Variants in GALNT10 observed in about 807,000 individuals in gnomAD.
The protein encoded by GALNT10 is GalNAc transferase 10.
GALNT10 carries 41 observed loss-of-function variants against 75.0 expected under a neutral mutation model. The ratio of observed to expected loss-of-function variants is 0.55; its 90% CI spans 0.43 to 0.71. The LOEUF (loss-of-function observed/expected upper bound fraction) is 0.71. Ranked by LOEUF, GALNT10 falls within the 30% of genes least tolerant of loss-of-function variation. The pLI, the probability that GALNT10 is intolerant of heterozygous loss-of-function variation, is 0.00. For synonymous variants in GALNT10, 302 were observed against 313.0 expected, an observed-to-expected ratio of 0.96 and a Z score of 0.37; for missense variants, 727 against 818.5, an observed-to-expected ratio of 0.89 and a Z score of 1.36.
chr5:154,360,457 A>C (rs1203893052), intron 4 of GALNT10, among the ~76,000 whole-genome samples: 3 of 151,984 alleles, frequency 2.0e-5, no homozygotes, highest in African/African-American at 2.4e-5. Flanking sequence ...ATCTAAAAAA[A>C]AAAAAAAAAC....
intron 4 of GALNT10, among the ~76,000 whole-genome samples, chr5:154,356,546 G>A (rs868181661): frequency 1.5e-4 from 23 of 152,176 alleles, no homozygotes; most frequent in South Asian, 1.2e-3. Context: ...GCTTACATTT[G>A]TGCTTTTCAA....
chr5:154,412,934 G>A lies in GALNT10; in HGVS notation c.1432G>A (p.Ala478Thr), dbSNP rs373562892. Residue 478 changes from alanine (A) to threonine (T), a missense_variant, in exon 10 of 12, where the codon GCC becomes ACC. Coordinates refer to ENST00000297107, the MANE Select transcript of GALNT10 (RefSeq NM_198321.4). This position sits in a 1 kb window ranked among gnomAD's most constrained non-coding sequence, Gnocchi z 4.2. Reference protein sequence around the residue: ...TGLCADTKHGALGSPLRLEGC... With the variant: ...TGLCADTKHGTLGSPLRLEGC... ...GCTGTGTGCAGACACAAAGCACGGGGCCTTGGGCTCCCCACTAAGGCTAGA... is the reference window on the plus strand; with the variant it reads ...GCTGTGTGCAGACACAAAGCACGGGACCTTGGGCTCCCCACTAAGGCTAGA... 3.7e-6 allele frequency: 6 copies of A among 1,613,716 alleles called. No homozygotes were observed. The highest frequency in any genetic ancestry group is 5.1e-6 in the Non-Finnish European group (6 of 1,179,870).
intron 6 of GALNT10, among the ~76,000 whole-genome samples, chr5:154,383,358 T>A (rs889784952): frequency 3.3e-5 from 5 of 152,212 alleles, no homozygotes; most frequent in Non-Finnish European, 7.4e-5. Flanking sequence ...CAGTAATAGC[T>A]TATCCACTCA....
intron 1 of GALNT10, among the ~76,000 whole-genome samples, chr5:154,211,318 G>A (rs1381933491): frequency 6.6e-6 from 1 of 152,042 alleles, no homozygotes; most frequent in African/African-American, 2.4e-5. Flanking sequence ...GTATTGAACT[G>A]TTCAGTCAAC....
intron 1 of GALNT10, among the ~76,000 whole-genome samples, chr5:154,227,440 C>T (rs1216521852): frequency 6.6e-6 from 1 of 152,068 alleles, no homozygotes; most frequent in African/African-American, 2.4e-5. Flanking sequence ...TGCTTATTTC[C>T]CTCTGTACAT....
chr5:154,298,826 C>T lies in GALNT10; in HGVS notation c.401+747C>T, dbSNP rs1015839230. On this transcript the variant is annotated intron_variant, in intron 3 of 11. Coordinates refer to ENST00000297107, the MANE Select transcript of GALNT10 (RefSeq NM_198321.4). The surrounding 1 kb of genome is among the most constrained non-coding windows in gnomAD (Gnocchi z 4.1). ...TAGAGCCGTTCTTAAATTTGAGGTG[C>T]GTTAGAATCACTTGGAGGGTTGTTA... 2.0e-5 allele frequency among the ~76,000 whole-genome samples: 3 copies of T among 152,042 alleles called. No individual in the cohort carries two copies. The highest frequency in any genetic ancestry group is 6.6e-5 in the Admixed American group (1 of 15,264).
chr5:154,209,924 G>A (rs1775168934), intron 1 of GALNT10, among the ~76,000 whole-genome samples: 1 of 152,008 alleles, frequency 6.6e-6, no homozygotes, highest in Admixed American at 6.6e-5. Context: ...CCACAAAAAT[G>A]TATTCACAGT....
chr5:154,386,798 G>A lies in GALNT10; in HGVS notation c.1056+368G>A, dbSNP rs900860892. 3 of 452,044 alleles carry A rather than the reference G, an allele frequency of 6.6e-6. No homozygotes were observed. In the South Asian group the frequency reaches 8.5e-5, roughly 13 times the overall value. 28.0% of individuals were successfully genotyped at this position (452,044 alleles called of 1,614,324 possible). ...CAGAGAAGCTAGGAAGGCCAAACAGGATACGTAGGCCTAGAGGAGTCCTCT... is the reference window on the plus strand; with the variant it reads ...CAGAGAAGCTAGGAAGGCCAAACAGAATACGTAGGCCTAGAGGAGTCCTCT... On this transcript the variant is annotated intron_variant, in intron 7 of 11. Coordinates refer to ENST00000297107, the MANE Select transcript of GALNT10 (RefSeq NM_198321.4).
At chr5:154,248,536 T>A (rs1753467297) in intron 1 of GALNT10, among the ~76,000 whole-genome samples, 1 of 152,226 alleles carries the variant, frequency 6.6e-6, no homozygotes, top group Non-Finnish European at 1.5e-5. Flanking sequence ...GGTTTAGTCT[T>A]GGGAGGGTGT....
At chr5:154,259,033 A>G (rs1164812135) in intron 1 of GALNT10, among the ~76,000 whole-genome samples, 1 of 152,206 alleles carries the variant, frequency 6.6e-6, no homozygotes, top group Non-Finnish European at 1.5e-5. Context: ...TTAATTATCT[A>G]GACTATGAAA....
chr5:154,351,248 G>A (rs1755200795), intron 4 of GALNT10, among the ~76,000 whole-genome samples: 1 of 152,220 alleles, frequency 6.6e-6, no homozygotes, highest in Non-Finnish European at 1.5e-5. Flanking sequence ...TTAGAGAAGT[G>A]AGGAATCTTC....
chr5:154,366,449 T>A (rs995851438), intron 4 of GALNT10, among the ~76,000 whole-genome samples: 2 of 152,114 alleles, frequency 1.3e-5, no homozygotes, highest in African/African-American at 4.8e-5. Flanking sequence ...ATAAAAATTT[T>A]AAAAAAGAAA....
intron 1 of GALNT10, among the ~76,000 whole-genome samples, chr5:154,217,672 A>G (rs1752895367): frequency 6.6e-6 from 1 of 152,138 alleles, no homozygotes; most frequent in South Asian, 2.1e-4. Flanking sequence ...TGTCACCAAA[A>G]CAAGTGTGGT....
intron 1 of GALNT10, among the ~76,000 whole-genome samples, chr5:154,221,398 G>T (rs1434293943): frequency 5.9e-5 from 9 of 152,162 alleles, no homozygotes; most frequent in Admixed American, 5.9e-4. Context: ...TATCCTCCCT[G>T]CACCGCTCCG....
At position 154,294,881 on chromosome 5, in the gene GALNT10, T is replaced by C. The variant is rs1412751654; in HGVS notation, c.225T>C (p.His75=). The C allele has an allele frequency of 1.2e-6, 2 of 1,604,686 alleles. No homozygotes were observed. Among genetic ancestry groups the C allele is most frequent in the South Asian group, 1.1e-5 (1 of 90,888 alleles). Residue 75 remains histidine, a synonymous_variant, in exon 2 of 12, where the codon CAT becomes CAC. Transcript: ENST00000297107. The stretch of plus-strand genomic sequence containing the variant: ...ATGGGCAGAAGCTGAAGGACTGGCA[T>C]GACAAGGAGGCCATCCGGAGGGACG... ...LGDGQKLKDW[H]DKEAIRRDAQ... is the part of the protein sequence containing the mutation.
chr5:154,383,001 G>T (rs11949818), intron 6 of GALNT10, among the ~76,000 whole-genome samples: 11 of 152,158 alleles, frequency 7.2e-5, no homozygotes, highest in Non-Finnish European at 1.6e-4. Context: ...AAACACAAAG[G>T]CTTCCCTCAA....
At chr5:154,192,980 A>T (rs1444024452) in intron 1 of GALNT10, among the ~76,000 whole-genome samples, 1 of 152,154 alleles carries the variant, frequency 6.6e-6, no homozygotes. Flanking sequence ...GAGGGTATTG[A>T]TAGAGTAAGG....
At chr5:154,249,856 G>T (rs923922051) in intron 1 of GALNT10, among the ~76,000 whole-genome samples, 39 of 152,166 alleles carry the variant, frequency 2.6e-4, no homozygotes, top group African/African-American at 9.4e-4. Context: ...CTACCCCACA[G>T]ATCACCCATG....
At chr5:154,403,798 G>T in intron 7 of GALNT10, 1 of 385,940 alleles carries the variant, frequency 2.6e-6, no homozygotes, top group East Asian at 6.4e-5. Context: ...GCTTCTCTGA[G>T]CCTCCATTTC....
Sources: gnomAD v4.1 joint callset for allele counts (sites outside exome capture counted in the v4.1 genomes callset) on GRCh38, gnomAD v4.1.1 for gene constraint, Gnocchi (gnomAD v3.1) non-coding constraint, MANE v1.5 for transcripts, NCBI Gene and HGNC (gene_info 2026-07-23, HGNC 2026-07-21) for gene names.